The following RNF150 variants were observed in gnomAD, a reference collection of about 807,000 sequenced individuals.
The protein encoded by RNF150 is ring finger protein 150.
RNF150 carries 24 observed loss-of-function variants against 39.3 expected under a neutral mutation model. The ratio of observed to expected loss-of-function variants is 0.61; its 90% CI spans 0.44 to 0.86. The LOEUF (loss-of-function observed/expected upper bound fraction) is 0.86, where lower values mean the gene tolerates loss of function less well. Among genes scored for constraint, RNF150 ranks in the 40% least tolerant of loss-of-function variants. The pLI is 0.00. For synonymous variants in RNF150, 255 were observed against 227.3 expected, an observed-to-expected ratio of 1.12 and a Z score of -1.10; for missense variants, 502 against 587.8, an observed-to-expected ratio of 0.85 and a Z score of 1.51.
chr4:140,973,553 T>C (rs1367635805), intron 1 of RNF150, among the ~76,000 whole-genome samples: 1 of 151,908 alleles, frequency 6.6e-6, no homozygotes, highest in Non-Finnish European at 1.5e-5. Context: ...AAAAAAACTG[T>C]ATTTTGAAAT....
intron 1 of RNF150, among the ~76,000 whole-genome samples, chr4:141,145,769 C>G (rs1386581852): frequency 6.6e-6 from 1 of 152,204 alleles, no homozygotes; most frequent in African/African-American, 2.4e-5. Context: ...GGACAGAAGT[C>G]TCTCATGGGT....
chr4:140,959,829 A>T (rs934137216), intron 2 of RNF150, among the ~76,000 whole-genome samples: 56 of 152,150 alleles, frequency 3.7e-4, no homozygotes, highest in African/African-American at 1.3e-3. Flanking sequence ...ACTAACATAA[A>T]ATGATATGAT....
intron 1 of RNF150, among the ~76,000 whole-genome samples, chr4:141,158,598 T>C (rs1441676777): frequency 6.6e-6 from 1 of 152,222 alleles, no homozygotes; most frequent in Non-Finnish European, 1.5e-5. Context: ...TATTAACATT[T>C]ACCAAACATT....
At chr4:141,070,814 G>C (rs1737665279) in intron 1 of RNF150, among the ~76,000 whole-genome samples, 1 of 150,072 alleles carries the variant, frequency 6.7e-6, no homozygotes, top group South Asian at 2.1e-4. Flanking sequence ...CATTGTGGAA[G>C]TCAGTGTGGT....
chr4:141,205,980 A>G (rs1376662597), intron 1 of RNF150, among the ~76,000 whole-genome samples: 2 of 152,160 alleles, frequency 1.3e-5, no homozygotes, highest in African/African-American at 2.4e-5. Flanking sequence ...TGATCCCTCT[A>G]TAAGATGATC....
chr4:141,185,441 G>A (rs893685120), intron 1 of RNF150, among the ~76,000 whole-genome samples: 1 of 151,822 alleles, frequency 6.6e-6, no homozygotes, highest in Non-Finnish European at 1.5e-5. Flanking sequence ...TGAGACAATG[G>A]GTTTTTCTAA....
chr4:141,144,207 A>G (rs1182197866), intron 1 of RNF150, among the ~76,000 whole-genome samples: 4 of 152,214 alleles, frequency 2.6e-5, no homozygotes, highest in East Asian at 3.9e-4. Context: ...TATATCCAAT[A>G]TGGATTGGAT....
At chr4:140,868,604 T>C (rs1728810445) in intron 6 of RNF150, among the ~76,000 whole-genome samples, 1 of 152,194 alleles carries the variant, frequency 6.6e-6, no homozygotes, top group South Asian at 2.1e-4. Flanking sequence ...TCTAAGGATA[T>C]GTCTTAGTAG....
intron 1 of RNF150, among the ~76,000 whole-genome samples, chr4:141,100,245 C>G (rs1738958597): frequency 6.6e-6 from 1 of 152,138 alleles, no homozygotes; most frequent in African/African-American, 2.4e-5. Context: ...TAATCAACAT[C>G]TCTAAGTTGC....
At chr4:141,203,076 TACACACATATATGAG>T (rs1560777370) in intron 1 of RNF150, among the ~76,000 whole-genome samples, 9 of 132,958 alleles carry the variant, frequency 6.8e-5, no homozygotes, top group East Asian at 2.1e-4. Flanking sequence ...TATATATATA[TACACACATATATGAG>T]ATATATAATC....
chr4:140,873,557 G>A (rs1729034883), intron 6 of RNF150, among the ~76,000 whole-genome samples: 1 of 152,174 alleles, frequency 6.6e-6, no homozygotes, highest in South Asian at 2.1e-4. Context: ...AGAGACTATA[G>A]TATTACTGGA....
At chr4:140,932,907 T>A (rs1045213390) in intron 4 of RNF150, among the ~76,000 whole-genome samples, 6 of 152,196 alleles carry the variant, frequency 3.9e-5, no homozygotes, top group Non-Finnish European at 8.8e-5. Flanking sequence ...CTGCCATGAG[T>A]AGATACCCTC....
At chr4:140,881,982 G>A (rs557964863) in intron 6 of RNF150, among the ~76,000 whole-genome samples, 163 of 152,058 alleles carry the variant, frequency 1.1e-3, no homozygotes, top group African/African-American at 3.7e-3. Flanking sequence ...AAGATATTTC[G>A]TATGATTTCA....
intron 1 of RNF150, among the ~76,000 whole-genome samples, chr4:141,040,113 T>C (rs961174540): frequency 2.0e-5 from 3 of 152,012 alleles, no homozygotes; most frequent in African/African-American, 7.3e-5. Flanking sequence ...TTTGGTGATC[T>C]CTCTCGATTT....
intron 6 of RNF150, among the ~76,000 whole-genome samples, chr4:140,903,687 AATTGGAG>A (rs1730272330): frequency 1.3e-5 from 2 of 152,176 alleles, no homozygotes; most frequent in Admixed American, 1.3e-4. Flanking sequence ...AGAATTAATC[AATTGGAG>A]ATGGTGCTAT....
intron 1 of RNF150, among the ~76,000 whole-genome samples, chr4:141,212,488 G>A (rs1212931830): frequency 6.6e-6 from 1 of 152,142 alleles, no homozygotes; most frequent in African/African-American, 2.4e-5. Context: ...TGGGCTTGTG[G>A]GTAGGAATTC....
At chr4:140,906,782 C>T (rs188507977) in intron 6 of RNF150, among the ~76,000 whole-genome samples, 8 of 152,250 alleles carry the variant, frequency 5.3e-5, no homozygotes, top group Admixed American at 2.0e-4. Flanking sequence ...ATCTTGATTC[C>T]ACCATTCCCA....
chr4:141,071,429 T>A (rs1465343320), intron 1 of RNF150, among the ~76,000 whole-genome samples: 1 of 151,996 alleles, frequency 6.6e-6, no homozygotes, highest in Non-Finnish European at 1.5e-5. Context: ...CCAGTTTAAT[T>A]TTTAAGAGCT....
chr4:141,047,967 G>C (rs955010701), intron 1 of RNF150, among the ~76,000 whole-genome samples: 3 of 152,082 alleles, frequency 2.0e-5, no homozygotes, highest in African/African-American at 7.2e-5. Flanking sequence ...AAGTCAATAG[G>C]AGAATGAGAG....
Sources: gnomAD v4.1 joint callset for allele counts (sites outside exome capture counted in the v4.1 genomes callset) on GRCh38, gnomAD v4.1.1 for gene constraint, MANE v1.5 for transcripts, NCBI Gene and HGNC (gene_info 2026-07-23, HGNC 2026-07-21) for gene names.